The following SLC27A2 variants were observed in gnomAD, a reference collection of about 807,000 sequenced individuals.
SLC27A2 encodes the protein long-chain fatty acid transport protein 2.
A neutral mutation model predicts 60.0 loss-of-function variants in SLC27A2; 54 were observed. That is an observed-to-expected ratio of 0.90 (90% CI 0.72 to 1.13). SLC27A2 has a LOEUF of 1.13. SLC27A2 is among the 50% of genes most tolerant of loss of function. The probability of loss-of-function intolerance (pLI) is 0.00; values close to 1 mark genes in which losing one functional copy is unlikely to be tolerated. For missense variants in SLC27A2, 739 were observed against 777.6 expected (o/e 0.95, Z 0.59); for synonymous variants, 297 against 297.6 (o/e 1.00, Z 0.02).
chr15:50,224,297 G>A (rs984709464), intron 5 of SLC27A2, among the ~76,000 whole-genome samples: 4 of 152,062 alleles, frequency 2.6e-5, no homozygotes, highest in East Asian at 3.9e-4. Flanking sequence ...AAAATTAGCC[G>A]GGCATGGTGG....
At chr15:50,205,447 G>A (rs2045104682) in intron 4 of SLC27A2, 84 bp downstream of exon 4, 1 of 1,362,990 alleles carries the variant, frequency 7.3e-7, no homozygotes, top group Admixed American at 1.9e-5. Context: ...GGCTTCAACT[G>A]ATTTGCATAT....
At chr15:50,227,554 T>A (rs2045287046) in intron 7 of SLC27A2, among the ~76,000 whole-genome samples, 1 of 152,242 alleles carries the variant, frequency 6.6e-6, no homozygotes, top group Non-Finnish European at 1.5e-5. Flanking sequence ...AATGTGGAGC[T>A]GATCTAGTTG....
chr15:50,203,013 T>TAA (rs5812508), intron 3 of SLC27A2, among the ~76,000 whole-genome samples: 67,925 of 132,722 alleles, frequency 0.51, 17,603 homozygotes, highest in Admixed American at 0.55. Flanking sequence ...ACCTCATCTC[T>TAA]AAAAAAAATA....
chr15:50,217,783 C>T (rs1293378502), intron 4 of SLC27A2, among the ~76,000 whole-genome samples: 3 of 152,154 alleles, frequency 2.0e-5, no homozygotes, highest in Non-Finnish European at 2.9e-5. Flanking sequence ...AGGCCAGGCA[C>T]GGTGGCTCAC....
intron 9 of SLC27A2, among the ~76,000 whole-genome samples, chr15:50,235,571 A>T (rs1321226751): frequency 2.6e-5 from 4 of 152,242 alleles, no homozygotes; most frequent in African/African-American, 9.6e-5. Flanking sequence ...TATGGGTATC[A>T]TATAAAACTT....
rs753614549 is a variant in SLC27A2 at position 50,227,019 on chromosome 15, C to A, written c.1298C>A (p.Thr433Lys). The change falls in exon 7 of 10, where the codon ACA (threonine) becomes AAA (lysine). Residue 433 changes from threonine to lysine, a missense_variant. Thr to Lys is a moderately conservative substitution (Grantham distance 78). Coordinates refer to ENST00000267842, the MANE Select transcript of SLC27A2 (RefSeq NM_003645.4). ...CTGGTTTGCAAAATCACACAACTTA[C>A]ACCATTTAATGGCTATGCTGGAGCA... is the stretch of plus-strand genomic sequence containing the variant. ...GLLVCKITQL[T>K]PFNGYAGAKA... 1.9e-6 allele frequency: 3 copies of A among 1,614,030 alleles called. No homozygotes were observed. The African/African-American group carries it at 4.0e-5, about 22-fold the overall frequency.
chr15:50,190,211 GA>G (rs1290042365), intron 1 of SLC27A2, among the ~76,000 whole-genome samples: 1 of 152,156 alleles, frequency 6.6e-6, no homozygotes, highest in Non-Finnish European at 1.5e-5. Flanking sequence ...GGCATTTTAG[GA>G]ACTATTTTTA....
chr15:50,198,845 C>G (rs1259023195), intron 2 of SLC27A2, among the ~76,000 whole-genome samples: 1 of 152,154 alleles, frequency 6.6e-6, no homozygotes, highest in African/African-American at 2.4e-5. Flanking sequence ...TCAGCTGCAG[C>G]TGACAGGAAC....
intron 4 of SLC27A2, among the ~76,000 whole-genome samples, chr15:50,218,929 G>C (rs1435524779): frequency 1.3e-5 from 2 of 152,204 alleles, no homozygotes; most frequent in Admixed American, 1.3e-4. Flanking sequence ...ATTTCACCAT[G>C]AGGAAAATTT....
intron 1 of SLC27A2, among the ~76,000 whole-genome samples, chr15:50,190,107 C>A (rs8182064): frequency 0.12 from 18,846 of 151,974 alleles, 1,259 homozygotes; most frequent in East Asian, 0.18. Context: ...GTCTCTCTCT[C>A]TATATATAGT....
At chr15:50,200,507 T>C (rs1447210368) in intron 2 of SLC27A2, among the ~76,000 whole-genome samples, 2 of 152,196 alleles carry the variant, frequency 1.3e-5, no homozygotes, top group African/African-American at 2.4e-5. Context: ...GTGTTTACAA[T>C]AATGGTAGGT....
At chr15:50,204,831 ATG>A (rs1331747140) in intron 3 of SLC27A2, among the ~76,000 whole-genome samples, 2 of 146,310 alleles carry the variant, frequency 1.4e-5, no homozygotes, top group Non-Finnish European at 3.0e-5. Context: ...ATATATATGT[ATG>A]TGTGTGTATA....
At chr15:50,216,610 G>GTGTGTGTGTGTGTGTGTGTATA (rs1323910367) in intron 4 of SLC27A2, among the ~76,000 whole-genome samples, 4 of 66,482 alleles carry the variant, frequency 6.0e-5, no homozygotes, top group Admixed American at 3.7e-4. Context: ...GTGTGTGTGT[G>GTGTGTGTGTGTGTGTGTGTATA]TATATATATA....
intron 1 of SLC27A2, among the ~76,000 whole-genome samples, chr15:50,186,468 G>C (rs118021115): frequency 1.6e-3 from 250 of 151,864 alleles, no homozygotes; most frequent in Non-Finnish European, 2.9e-3. Flanking sequence ...AGACAGTCTC[G>C]CTCTGTTGCC....
chr15:50,183,960 C>A (rs1870152523), intron 1 of SLC27A2, among the ~76,000 whole-genome samples: 2 of 144,902 alleles, frequency 1.4e-5, no homozygotes, highest in Admixed American at 1.4e-4. Flanking sequence ...CAACCTAGCT[C>A]TATCCAACTT....
At chr15:50,196,082 ATAT>A (rs1756120599) in intron 1 of SLC27A2, among the ~76,000 whole-genome samples, 1 of 5,684 alleles carries the variant, frequency 1.8e-4, no homozygotes, top group Non-Finnish European at 2.8e-4. Flanking sequence ...AAAAAAATAT[ATAT>A]ATATATATAT....
At chr15:50,210,782 G>C (rs556333526) in intron 4 of SLC27A2, among the ~76,000 whole-genome samples, 4 of 152,162 alleles carry the variant, frequency 2.6e-5, no homozygotes, top group Non-Finnish European at 4.4e-5. Context: ...AAACAGACTC[G>C]GGGCCGTTGA....
intron 1 of SLC27A2, among the ~76,000 whole-genome samples, chr15:50,189,789 G>C (rs1255133250): frequency 6.6e-6 from 1 of 152,116 alleles, no homozygotes; most frequent in Admixed American, 6.5e-5. Context: ...GTAGATCATT[G>C]GTAGAAAGAT....
chr15:50,183,602 A>T (rs1332611601), intron 1 of SLC27A2, among the ~76,000 whole-genome samples: 1 of 152,196 alleles, frequency 6.6e-6, no homozygotes, highest in African/African-American at 2.4e-5. Context: ...GCCACATTTC[A>T]GCCAGACTTG....
Sources: gnomAD v4.1 joint callset for allele counts (sites outside exome capture counted in the v4.1 genomes callset) on GRCh38, gnomAD v4.1.1 for gene constraint, MANE v1.5 for transcripts, NCBI Gene and HGNC (gene_info 2026-07-23, HGNC 2026-07-21) for gene names.